Variants in TULP3 observed in about 807,000 individuals in gnomAD.
The protein encoded by TULP3 is TUB like protein 3, also known as tubby-related protein 3.
Under a neutral mutation model 50.7 loss-of-function variants are expected in TULP3, and 38 were observed. The observed-to-expected ratio is 0.75, with a 90% CI of 0.58 to 0.98. TULP3 has a LOEUF of 0.98. Ranked by LOEUF, TULP3 falls within the 50% of genes least tolerant of loss-of-function variation. The pLI is 0.00. For missense variants in TULP3, 550 were observed against 568.0 expected (o/e 0.97, Z 0.32); for synonymous variants, 183 against 196.6 (o/e 0.93, Z 0.58).
intron 1 of TULP3, among the ~76,000 whole-genome samples, chr12:2,893,122 A>G (rs1350949572): frequency 1.3e-5 from 2 of 150,122 alleles, no homozygotes; most frequent in African/African-American, 4.9e-5. Flanking sequence ...CTCAGCCTCC[A>G]AAACTTCTGG....
intron 1 of TULP3, among the ~76,000 whole-genome samples, chr12:2,896,079 T>TA (rs2098175420): frequency 6.6e-6 from 1 of 152,182 alleles, no homozygotes; most frequent in African/African-American, 2.4e-5. Context: ...TAGTTGGGAT[T>TA]ACAGGCGTGC....
intron 2 of TULP3, among the ~76,000 whole-genome samples, chr12:2,911,270 G>C (rs1475667546): frequency 6.6e-6 from 1 of 151,794 alleles, no homozygotes; most frequent in Non-Finnish European, 1.5e-5. Flanking sequence ...ATAGATGTTT[G>C]ATGAAAACAT....
intron 2 of TULP3, among the ~76,000 whole-genome samples, chr12:2,910,848 C>T (rs182809182): frequency 2.0e-5 from 3 of 152,322 alleles, no homozygotes; most frequent in African/African-American, 7.2e-5. Context: ...GCAGAGATCA[C>T]AGTAATTGTG....
At chr12:2,900,547 G>A (rs2098178540) in intron 1 of TULP3, among the ~76,000 whole-genome samples, 1 of 151,824 alleles carries the variant, frequency 6.6e-6, no homozygotes, top group East Asian at 1.9e-4. Flanking sequence ...CTGATGTCTT[G>A]GTAGAATTAA....
intron 4 of TULP3, among the ~76,000 whole-genome samples, chr12:2,929,943 A>G (rs1257162330): frequency 6.6e-6 from 1 of 152,154 alleles, no homozygotes; most frequent in Non-Finnish European, 1.5e-5. Flanking sequence ...ATTCAGTGAC[A>G]TTAAGTGTAT....
At chr12:2,932,371 GAGCTCGAGACC>G (rs1314179812) in intron 6 of TULP3, among the ~76,000 whole-genome samples, 1 of 152,056 alleles carries the variant, frequency 6.6e-6, no homozygotes, top group African/African-American at 2.4e-5. Context: ...TTGAGGACAT[GAGCTCGAGACC>G]AGCTTGGCTA....
At position 2,927,366 on chromosome 12, in the gene TULP3, A is replaced by ATTTTT. The variant is rs71057864; in HGVS notation, c.395-2868_395-2864dup. Among the ~76,000 whole-genome samples, 5 of 105,194 alleles carry ATTTTT rather than the reference A, an allele frequency of 4.8e-5. 1 individual carries two copies. The highest frequency in any genetic ancestry group is 3.3e-4 in the South Asian group (1 of 3,058). 69.0% of individuals were successfully genotyped at this position (105,194 alleles called of 152,430 possible). A position where few individuals can be genotyped will look rare whatever the true frequency, so the allele number is the denominator to read the frequency against. ...GGACCTATGTTTTCAGTTGAGACTG[A>ATTTTT]TTTTTTTTTTTTTTTTTTGAGACCA... On this transcript the variant is annotated intron_variant, in intron 4 of 10. Transcript: ENST00000448120.
intron 2 of TULP3, among the ~76,000 whole-genome samples, chr12:2,910,257 C>T (rs1194493384): frequency 6.7e-6 from 1 of 150,258 alleles, no homozygotes; most frequent in Admixed American, 6.7e-5. Flanking sequence ...TTGCAGTGAG[C>T]AGAGCAAGAC....
chr12:2,934,656 T>G (rs942979359), intron 8 of TULP3, 95 bp downstream of exon 8: 1 of 669,792 alleles, frequency 1.5e-6, no homozygotes, highest in African/African-American at 1.9e-5. Context: ...CTCCCAAGCT[T>G]GTTTCTATTT....
intron 1 of TULP3, among the ~76,000 whole-genome samples, chr12:2,893,368 G>C (rs570053326): frequency 5.2e-5 from 7 of 135,240 alleles, no homozygotes; most frequent in African/African-American, 2.0e-4. Context: ...CGCTCTCGTC[G>C]CCCAGGCTGG....
intron 6 of TULP3, among the ~76,000 whole-genome samples, chr12:2,932,166 T>C (rs930924490): frequency 3.3e-5 from 5 of 152,092 alleles, no homozygotes; most frequent in African/African-American, 1.2e-4. Context: ...AAAGAGTATT[T>C]CCTCCCTGGA....
intron 1 of TULP3, among the ~76,000 whole-genome samples, chr12:2,894,878 G>A (rs1750888944): frequency 1.3e-5 from 2 of 151,932 alleles, no homozygotes; most frequent in African/African-American, 4.8e-5. Flanking sequence ...TGGGCGACAA[G>A]AGCAAAACTC....
intron 4 of TULP3, among the ~76,000 whole-genome samples, chr12:2,929,248 C>T (rs887352499): frequency 5.3e-5 from 8 of 151,874 alleles, no homozygotes; most frequent in African/African-American, 1.4e-4. Flanking sequence ...ACCCGGGAGG[C>T]GGAGCTTGCA....
chr12:2,923,493 TA>T (rs897378511), intron 4 of TULP3, among the ~76,000 whole-genome samples: 3 of 151,562 alleles, frequency 2.0e-5, no homozygotes, highest in Admixed American at 1.3e-4. Flanking sequence ...ACTAAAAATA[TA>T]AAAAAAGTAG....
chr12:2,909,701 G>GTGGT (rs1565499902), intron 2 of TULP3, 121 bp downstream of exon 2: 2 of 1,024,618 alleles, frequency 2.0e-6, no homozygotes, highest in Non-Finnish European at 2.9e-6. Flanking sequence ...GAAGGCTCGG[G>GTGGT]TGGTTACCTG....
intron 7 of TULP3, 86 bp from the exon 8 acceptor site, chr12:2,934,361 T>C: frequency 1.2e-6 from 1 of 805,712 alleles, no homozygotes; most frequent in Non-Finnish European, 1.8e-6. Context: ...AACAGGCAAA[T>C]AGGCTTCCAT....
At position 2,940,819 on chromosome 12, in the gene TULP3, G is replaced by C; in HGVS notation, c.*1375G>C. On this transcript the variant is annotated 3_prime_UTR_variant, in exon 11 of 11. Transcript: ENST00000448120. Reference sequence around the variant, plus strand: ...GAGGACGAGACTGTTTCCATCTCAGGCATGTATCCCACCAAGTGCCTCCCT... The same window carrying C: ...GAGGACGAGACTGTTTCCATCTCAGCCATGTATCCCACCAAGTGCCTCCCT... 8.3e-7 allele frequency: 1 copy of C among 1,200,866 alleles called. No homozygotes were observed. The highest frequency in any genetic ancestry group is 1.2e-6 in the Non-Finnish European group (1 of 865,766). 74.4% of individuals were successfully genotyped at this position (1,200,866 alleles called of 1,614,324 possible).
intron 8 of TULP3, among the ~76,000 whole-genome samples, chr12:2,935,304 T>C (rs1438502424): frequency 6.6e-6 from 1 of 152,252 alleles, no homozygotes; most frequent in Non-Finnish European, 1.5e-5. Flanking sequence ...TTTTGCCTTA[T>C]CAAAGTCTTT....
intron 1 of TULP3, among the ~76,000 whole-genome samples, chr12:2,907,489 AATAC>A (rs1295935914): frequency 0.01 from 1,514 of 149,724 alleles, 42 homozygotes; most frequent in African/African-American, 0.035. Flanking sequence ...AAAAAAAAAA[AATAC>A]AAAAATTAGC....
Sources: gnomAD v4.1 joint callset for allele counts (sites outside exome capture counted in the v4.1 genomes callset) on GRCh38, gnomAD v4.1.1 for gene constraint, MANE v1.5 for transcripts, NCBI Gene and HGNC (gene_info 2026-07-23, HGNC 2026-07-21) for gene names.